Variants in KLKB1 observed in about 807,000 individuals in gnomAD.
The protein encoded by KLKB1 is kallikrein B1.
Under a neutral mutation model 73.6 loss-of-function variants are expected in KLKB1, and 58 were observed. The observed-to-expected ratio is 0.79, with a 90% CI of 0.64 to 0.98. The LOEUF (loss-of-function observed/expected upper bound fraction) is 0.98, where lower values mean the gene tolerates loss of function less well. Among genes scored for constraint, KLKB1 ranks in the 50% least tolerant of loss-of-function variants. KLKB1 has a pLI of 0.00. For missense variants in KLKB1, 737 were observed against 763.8 expected, an observed-to-expected ratio of 0.96 and a Z score of 0.41; for synonymous variants, 280 against 258.1, an observed-to-expected ratio of 1.08 and a Z score of -0.81.
At chr4:186,251,980 C>A (rs376959569) in intron 10 of KLKB1, 37 bp from the exon 11 acceptor site, 6 of 1,613,986 alleles carry the variant, frequency 3.7e-6, no homozygotes, top group South Asian at 3.3e-5. Flanking sequence ...TGATTCACTT[C>A]TAATTCCAAC....
At chr4:186,212,465 A>G (rs999239676) in intron 2 of KLKB1, 1 of 152,130 alleles carries the variant, frequency 6.6e-6, no homozygotes, top group African/African-American at 2.4e-5. Flanking sequence ...CCACTCCATT[A>G]TTTTTTAAAA....
At chr4:186,237,083 A>AT (rs1250283783) in intron 5 of KLKB1, 143 bp downstream of exon 5, 2 of 696,078 alleles carry the variant, frequency 2.9e-6, no homozygotes, top group East Asian at 2.9e-5. Flanking sequence ...ACTCTATTTT[A>AT]TTTTTTTATC....
rs114655596 is a variant in KLKB1, at chr4:186,240,303, T to C, written c.598+1938T>C. ...TTGTTATAGTTATAGGACAGTGATA[T>C]AGTTATAGGACAGTGATATTGTTAC... is the stretch of plus-strand genomic sequence containing the variant. On this transcript the variant is annotated intron_variant, in intron 6 of 14. Coordinates refer to ENST00000264690, the MANE Select transcript of KLKB1 (RefSeq NM_000892.5). Among the ~76,000 whole-genome samples, 1,354 of 148,474 alleles carry C rather than the reference T, an allele frequency of 9.1e-3. 12 individuals carry two copies. Among genetic ancestry groups the C allele is most frequent in the Non-Finnish European group, 0.013 (880 of 65,350 alleles).
chr4:186,253,129 A>G (rs532320524), intron 11 of KLKB1, among the ~76,000 whole-genome samples: 1 of 152,352 alleles, frequency 6.6e-6, no homozygotes, highest in South Asian at 2.1e-4. Flanking sequence ...TGACACATTT[A>G]AAATGCTTAG....
chr4:186,253,593 T>C (rs1738824266), intron 11 of KLKB1, among the ~76,000 whole-genome samples: 1 of 151,788 alleles, frequency 6.6e-6, no homozygotes, highest in African/African-American at 2.4e-5. Flanking sequence ...AAAAGTGTAA[T>C]GATTTCATTG....
At chr4:186,250,457 G>A in intron 7 of KLKB1, 55 bp downstream of exon 7, 1 of 1,576,186 alleles carries the variant, frequency 6.3e-7, no homozygotes, top group Non-Finnish European at 8.7e-7. Context: ...GGGAGCACTT[G>A]CTGCTGTACT....
At chr4:186,256,868 A>T (rs748823879) in intron 13 of KLKB1, among the ~76,000 whole-genome samples, 63 of 152,116 alleles carry the variant, frequency 4.1e-4, no homozygotes, top group Non-Finnish European at 8.4e-4. Context: ...AGATGAGGGG[A>T]TGGCAGAAAA....
upstream of KLKB1, among the ~76,000 whole-genome samples, chr4:186,223,377 A>C (rs889273736): frequency 6.6e-6 from 1 of 152,190 alleles, no homozygotes; most frequent in Non-Finnish European, 1.5e-5. Context: ...AAAGTTTGAA[A>C]CTTCCTAGAG....
rs3733402 is a variant in KLKB1, at chr4:186,236,880, G to A, written c.428G>A (p.Ser143Asn). 0.52 allele frequency: 845,532 copies of A among 1,613,244 alleles called. 226,077 individuals carry two copies. Among genetic ancestry groups the A allele is most frequent in the African/African-American group, 0.74 (55,373 of 74,958 alleles). Residue 143 changes from serine to asparagine, a missense_variant, in exon 5 of 15, where the codon AGT becomes AAT. Coordinates refer to ENST00000264690, the MANE Select transcript of KLKB1 (RefSeq NM_000892.5). ...GAAGAATGCCAAAAAAGGTGCACCA[G>A]TAACATTCGCTGCCAGTTTTTTTCA... ...SVEECQKRCT[S>N]NIRCQFFSYA... is the part of the protein sequence containing the mutation.
upstream of KLKB1, among the ~76,000 whole-genome samples, chr4:186,224,914 G>C (rs1442159162): frequency 6.6e-6 from 1 of 152,208 alleles, no homozygotes; most frequent in Non-Finnish European, 1.5e-5. Flanking sequence ...GGCCTGGTGA[G>C]AGGTGATTGG....
intron 3 of KLKB1, among the ~76,000 whole-genome samples, chr4:186,232,555 CA>C (rs1466341553): frequency 6.6e-6 from 1 of 152,164 alleles, no homozygotes; most frequent in East Asian, 1.9e-4. Context: ...ATTTTCTATT[CA>C]AAGCCTCAAA....
At chr4:186,215,455 CT>C (rs1210873208) in intron 2 of KLKB1, among the ~76,000 whole-genome samples, 58 of 136,138 alleles carry the variant, frequency 4.3e-4, no homozygotes, top group Middle Eastern at 3.8e-3. Context: ...GCTTGCTTTC[CT>C]TTTTTTTTTT....
intron 3 of KLKB1, among the ~76,000 whole-genome samples, chr4:186,232,936 A>T (rs1737475389): frequency 6.6e-6 from 1 of 152,140 alleles, no homozygotes; most frequent in Non-Finnish European, 1.5e-5. Context: ...TGTGTGTGTG[A>T]TGGAGTCTCG....
chr4:186,233,827 G>A (rs1471479361), intron 3 of KLKB1, 125 bp from the exon 4 acceptor site: 33 of 716,790 alleles, frequency 4.6e-5, no homozygotes, highest in Non-Finnish European at 8.0e-5. Flanking sequence ...TTTCCAGCAA[G>A]TATTGGGGAA....
In KLKB1 at chr4:186,258,130, C is replaced by G; in HGVS notation, c.1835C>G (p.Thr612Ser). 6.2e-7 allele frequency: 1 copy of G among 1,614,124 alleles called. No individual in the cohort carries two copies. The highest frequency in any genetic ancestry group is 1.1e-5 in the South Asian group (1 of 91,078). ...CARREQPGVY[T>S]KVAEYMDWIL... ...CGCAGGGAGCAACCTGGTGTCTACACCAAAGTCGCTGAGTACATGGACTGG... is the reference window on the plus strand; with the variant it reads ...CGCAGGGAGCAACCTGGTGTCTACAGCAAAGTCGCTGAGTACATGGACTGG... Residue 612 changes from threonine to serine, a missense_variant, in exon 15 of 15, where the codon ACC becomes AGC. Physicochemically the swap from Thr to Ser is moderately conservative, Grantham distance 58. Transcript: ENST00000264690.
At chr4:186,249,271 A>T (rs542175035) in intron 6 of KLKB1, among the ~76,000 whole-genome samples, 1 of 152,154 alleles carries the variant, frequency 6.6e-6, no homozygotes, top group Non-Finnish European at 1.5e-5. Context: ...TTGTTCTTAG[A>T]GGTTTATAGT....
intron 13 of KLKB1, among the ~76,000 whole-genome samples, chr4:186,256,761 G>GAAT (rs1377961342): frequency 2.0e-5 from 3 of 152,108 alleles, no homozygotes; most frequent in African/African-American, 7.2e-5. Flanking sequence ...TTATAATTTT[G>GAAT]AATATATAAA....
chr4:186,250,599 T>C (rs891486370), intron 7 of KLKB1, among the ~76,000 whole-genome samples, 197 bp downstream of exon 7: 4 of 152,238 alleles, frequency 2.6e-5, no homozygotes, highest in Admixed American at 6.5e-5. Context: ...TCTCTGCCTA[T>C]CTTCTCTTAC....
chr4:186,229,326 C>T lies in KLKB1; in HGVS notation c.58+1073C>T, dbSNP rs141515303. Reference sequence around the variant, plus strand: ...AGTCCCCAAATTCAGAAACAGTCATCGTTAAACATCTTTTATTTAGTCTTT... The same window carrying T: ...AGTCCCCAAATTCAGAAACAGTCATTGTTAAACATCTTTTATTTAGTCTTT... On this transcript the variant is annotated intron_variant, in intron 2 of 14. Transcript: ENST00000264690. Among the ~76,000 whole-genome samples the T allele has an allele frequency of 3.1e-3, 468 of 152,202 alleles. 4 individuals carry two copies. Among genetic ancestry groups the T allele is most frequent in the African/African-American group, 0.011 (438 of 41,536 alleles).
Sources: gnomAD v4.1 joint callset for allele counts (sites outside exome capture counted in the v4.1 genomes callset) on GRCh38, gnomAD v4.1.1 for gene constraint, MANE v1.5 for transcripts, NCBI Gene and HGNC (gene_info 2026-07-23, HGNC 2026-07-21) for gene names.